Variants in TSC2 observed in about 807,000 individuals in gnomAD.
TSC2 encodes the protein TSC complex subunit 2.
In TSC2, 29 loss-of-function variants were observed where a neutral mutation model predicts 202.2. The observed-to-expected ratio is 0.14, with a 90% CI of 0.11 to 0.20. The LOEUF (loss-of-function observed/expected upper bound fraction) is 0.20, where lower values mean the gene tolerates loss of function less well. Among genes scored for constraint, TSC2 ranks in the 10% least tolerant of loss-of-function variants. TSC2 has a pLI of 1.00. For synonymous variants in TSC2, 1,349 were observed against 1,044.0 expected (o/e 1.29, Z -5.63); for missense variants, 2,429 against 2,420.0 (o/e 1.00, Z -0.08).
Position 2,079,517 on chromosome 16 carries a change from G to A in TSC2, c.3285-40G>A. ...CCACGTGGCACCCTCGTACCAGCCT[G>A]GGGACTAAGTCCACCCTGTGCGTGG... On this transcript the variant is annotated intron_variant, in intron 28 of 41. Transcript: ENST00000219476. The surrounding 1 kb of genome is among the most constrained non-coding windows in gnomAD (Gnocchi z 4.6). 2 of 1,605,636 alleles carry A rather than the reference G, an allele frequency of 1.2e-6. No individual in the cohort carries two copies. The highest frequency in any genetic ancestry group is 2.2e-5 in the East Asian group (1 of 44,590).
chr16:2,071,081 G>A (rs1370486573), intron 17 of TSC2, among the ~76,000 whole-genome samples: 1 of 152,232 alleles, frequency 6.6e-6, no homozygotes, highest in Non-Finnish European at 1.5e-5. Flanking sequence ...TGACTGGGAT[G>A]GGAGCCCTCC....
intron 15 of TSC2, 56 bp from the exon 16 acceptor site, chr16:2,065,463 C>T (rs113543786): frequency 2.5e-5 from 32 of 1,259,240 alleles, no homozygotes; most frequent in South Asian, 1.3e-4. Context: ...AGTGTTCTCA[C>T]GGCTGCTGAC....
Position 2,076,160 on chromosome 16 carries a change from T to G in TSC2, c.2732T>G (p.Phe911Cys), listed in dbSNP as rs774758044. 3.1e-6 allele frequency: 5 copies of G among 1,613,686 alleles called. No homozygotes were observed. Among genetic ancestry groups the G allele is most frequent in the Non-Finnish European group, 4.2e-6 (5 of 1,180,012 alleles). The change falls in exon 24 of 42, where the codon TTC (phenylalanine) becomes TGC (cysteine). Residue 911 changes from phenylalanine to cysteine, a missense_variant. Transcript: ENST00000219476. ...CCCTTCCGGAAGGATTTTGTCCCTTTCATCACTAAGGTGGGCTCAGGGCCG... is the reference window on the plus strand; with the variant it reads ...CCCTTCCGGAAGGATTTTGTCCCTTGCATCACTAAGGTGGGCTCAGGGCCG... ...RLPFRKDFVP[F>C]ITKGLRSNVL...
At chr16:2,083,863 T>C in intron 33 of TSC2, 47 bp downstream of exon 33, 1 of 1,587,026 alleles carries the variant, frequency 6.3e-7, no homozygotes, top group East Asian at 2.3e-5. Flanking sequence ...GGGGGGCTCC[T>C]TAGGGGAGGC....
rs1261020269 is a variant in TSC2, at chr16:2,088,465, A to G, written c.5279A>G (p.Tyr1760Cys). The change falls in exon 42 of 42, where the codon TAC becomes TGC. Residue 1760 changes from tyrosine (Y) to cysteine (C), a missense_variant. Tyr to Cys is a radical substitution (Grantham distance 194). Transcript: ENST00000219476. ...CTTCAGATCTGCGAGGAAGCCGCCT[A>G]CTCCAACCCCAGCCTACCTCTGGTG... ...LRQRICEEAA[Y>C]SNPSLPLVHP... 3.1e-6 allele frequency: 5 copies of G among 1,612,294 alleles called. No individual in the cohort carries two copies. Among genetic ancestry groups the G allele is most frequent in the Admixed American group, 1.7e-5 (1 of 59,950 alleles).
At chr16:2,078,521 G>A in intron 26 of TSC2, 1 of 215,474 alleles carries the variant, frequency 4.6e-6, no homozygotes, top group Non-Finnish European at 9.4e-6. Context: ...TTGCCTAGGG[G>A]CTATGAAATT....
At chr16:2,087,341 A>G in intron 38 of TSC2, 1 of 333,420 alleles carries the variant, frequency 3.0e-6, no homozygotes, top group South Asian at 2.5e-5. Context: ...TGGCCCAGGC[A>G]GGGCAGATAG....
At chr16:2,085,136 A>C in intron 35 of TSC2, 94 bp from the exon 36 acceptor site, 1 of 1,601,898 alleles carries the variant, frequency 6.2e-7, no homozygotes, top group South Asian at 1.1e-5. Flanking sequence ...GCTCTGGCCT[A>C]AGCTCCCTGT....
intron 10 of TSC2, among the ~76,000 whole-genome samples, chr16:2,059,338 C>CTTT (rs1180610775): frequency 1.3e-4 from 16 of 124,708 alleles, no homozygotes; most frequent in African/African-American, 2.5e-4. Context: ...TTCTCTCTCT[C>CTTT]TTTTTTTTTT....
chr16:2,049,831 A>T (rs1251717019), intron 2 of TSC2, among the ~76,000 whole-genome samples: 3 of 152,160 alleles, frequency 2.0e-5, no homozygotes, highest in African/African-American at 7.2e-5. Context: ...TCTAAAAAAA[A>T]ATTGTGCAGT....
chr16:2,072,026 G>C (rs2151311831), intron 19 of TSC2, 92 bp downstream of exon 19: 2 of 1,488,872 alleles, frequency 1.3e-6, no homozygotes, highest in Middle Eastern at 2.4e-4. Context: ...TCCCTGTCTG[G>C]CCTGTGGAGG....
rs368565375 is a variant in TSC2, at chr16:2,088,162, G to A, written c.5160+23G>A. 7.6e-5 allele frequency: 122 copies of A among 1,612,906 alleles called. No homozygotes were observed. Among genetic ancestry groups the A allele is most frequent in the Admixed American group, 2.3e-4 (14 of 60,008 alleles). On this transcript the variant is annotated intron_variant, in intron 40 of 41. Coordinates refer to ENST00000219476, the MANE Select transcript of TSC2 (RefSeq NM_000548.5). ...AATGTGAGTGGGGGTGGGTCCAGGCGTGAGCTGGTGGGACAGGCCCAGGTG... is the reference window on the plus strand; with the variant it reads ...AATGTGAGTGGGGGTGGGTCCAGGCATGAGCTGGTGGGACAGGCCCAGGTG...
In TSC2 at chr16:2,077,644, C is replaced by G. The variant is rs1477697117; in HGVS notation, c.2884C>G (p.Pro962Ala). 1 of 1,613,028 alleles carries G rather than the reference C, an allele frequency of 6.2e-7. No homozygotes were observed. Among genetic ancestry groups the G allele is most frequent in the African/African-American group, 1.3e-5 (1 of 74,934 alleles). ...PPKQGLNNSPPVKEFKESSAA... is the reference protein window; with the variant it reads ...PPKQGLNNSPAVKEFKESSAA... ...CAAACAAGGCTTGAATAACTCTCCA[C>G]CCGTGAAAGAATTCAAGGAGAGCTC... Residue 962 changes from proline (P) to alanine (A), a missense_variant, in exon 26 of 42, where the codon CCC becomes GCC. Transcript: ENST00000219476.
At chr16:2,066,289 TC>T (rs1361676064) in intron 16 of TSC2, 2 of 154,474 alleles carry the variant, frequency 1.3e-5, no homozygotes, top group Non-Finnish European at 2.9e-5. Flanking sequence ...ACTGGATTGT[TC>T]CACCCAGCGC....
chr16:2,072,597 A>G (rs955904867), intron 20 of TSC2: 24 of 788,058 alleles, frequency 3.0e-5, no homozygotes, highest in Non-Finnish European at 4.6e-5. Flanking sequence ...ATGTCACTGA[A>G]TGTGGATGTC....
intron 33 of TSC2, among the ~76,000 whole-genome samples, 175 bp downstream of exon 33, chr16:2,083,991 C>A (rs906138016): frequency 6.6e-6 from 1 of 152,242 alleles, no homozygotes; most frequent in Non-Finnish European, 1.5e-5. Context: ...CCTGGGCCGG[C>A]CCTGGCTGCT....
intron 25 of TSC2, among the ~76,000 whole-genome samples, chr16:2,076,935 C>T (rs1177075743): frequency 6.6e-6 from 1 of 152,120 alleles, no homozygotes; most frequent in African/African-American, 2.4e-5. Context: ...TCTGCTTCAT[C>T]ACCGCCGCCT....
In TSC2 at chr16:2,072,585, G is replaced by A. The variant is rs1225947652; in HGVS notation, c.2220+222G>A. 8.6e-6 allele frequency: 7 copies of A among 811,020 alleles called. No homozygotes were observed. The Admixed American group carries it at 1.7e-4, about 19-fold the overall frequency. The allele number at this position is 811,020 out of a possible 1,614,324, so 50.2% of individuals were successfully genotyped here. ...TGACGTCAGAGGTCCCCAGCCAAGG[G>A]CATGTCACTGAATGTGGATGTCTCC... On this transcript the variant is annotated intron_variant, in intron 20 of 41. Transcript: ENST00000219476.
In TSC2 at chr16:2,074,306, A is replaced by G. The variant is rs778393863; in HGVS notation, c.2462A>G (p.Lys821Arg). Reference protein sequence around the residue: ...CSVEMPDIIIKALPVLVVKLT... With the variant: ...CSVEMPDIIIRALPVLVVKLT... Reference sequence around the variant, plus strand: ...GTGGAGATGCCTGACATCATCATCAAGGCGCTGCCTGTTCTGGTGGTGAAG... The same window carrying G: ...GTGGAGATGCCTGACATCATCATCAGGGCGCTGCCTGTTCTGGTGGTGAAG... The change falls in exon 22 of 42, where the codon AAG becomes AGG. Residue 821 changes from lysine (K) to arginine (R), a missense_variant. Lys to Arg is a conservative substitution (Grantham distance 26). Coordinates refer to ENST00000219476, the MANE Select transcript of TSC2 (RefSeq NM_000548.5). The G allele has an allele frequency of 1.9e-6, 3 of 1,613,138 alleles. No individual in the cohort carries two copies. Among genetic ancestry groups the G allele is most frequent in the South Asian group, 2.2e-5 (2 of 91,078 alleles).
Sources: gnomAD v4.1 joint callset for allele counts (sites outside exome capture counted in the v4.1 genomes callset) on GRCh38, gnomAD v4.1.1 for gene constraint, Gnocchi (gnomAD v3.1) non-coding constraint, MANE v1.5 for transcripts, NCBI Gene and HGNC (gene_info 2026-07-23, HGNC 2026-07-21) for gene names.